The following PLCH2 variants were observed in gnomAD, a reference collection of about 807,000 sequenced individuals.
PLCH2 encodes phospholipase C eta 2.
PLCH2 carries 98 observed loss-of-function variants against 134.7 expected under a neutral mutation model. That is an observed-to-expected ratio of 0.73 (90% confidence interval 0.62 to 0.86). The LOEUF (loss-of-function observed/expected upper bound fraction) is 0.86, where lower values mean the gene tolerates loss of function less well. Among genes scored for constraint, PLCH2 ranks in the 40% least tolerant of loss-of-function variants. The pLI is 0.00. For synonymous variants in PLCH2, 974 were observed against 827.5 expected (o/e 1.18, Z -3.04); for missense variants, 1,994 against 1,986.6 (o/e 1.00, Z -0.07).
At chr1:2,451,400 G>T (rs1640219162) in intron 2 of PLCH2, among the ~76,000 whole-genome samples, 2 of 152,238 alleles carry the variant, frequency 1.3e-5, no homozygotes, top group African/African-American at 4.8e-5. Flanking sequence ...GCTGATGGAG[G>T]TGCGTTTCTG....
chr1:2,488,389 GT>G (rs773698731), intron 8 of PLCH2, among the ~76,000 whole-genome samples: 1 of 152,192 alleles, frequency 6.6e-6, no homozygotes, highest in Non-Finnish European at 1.5e-5. Context: ...TCAGGACAGA[GT>G]TGCACCTATG....
intron 2 of PLCH2, among the ~76,000 whole-genome samples, chr1:2,460,900 C>T (rs1952062): frequency 0.15 from 22,662 of 152,278 alleles, 1,838 homozygotes; most frequent in East Asian, 0.28. Context: ...GCAACAGCTG[C>T]GGGTTCGCCT....
rs570931318 is a variant in PLCH2 at position 2,499,431 on chromosome 1, C to T, written c.2581+201C>T. 5.3e-3 allele frequency among the ~76,000 whole-genome samples: 802 copies of T among 152,240 alleles called. 2 individuals carry two copies. Among genetic ancestry groups the T allele is most frequent in the Non-Finnish European group, 7.9e-3 (539 of 67,994 alleles). On this transcript the variant is annotated intron_variant, in intron 19 of 21. Coordinates refer to ENST00000378486, the MANE Select transcript of PLCH2 (RefSeq NM_014638.4). ...ATGGCCTGTGGGGGAGGGGCCACCC[C>T]CAGGAAGAGGTCCCTGCAGGCTGGT...
rs1242747806 is a variant in PLCH2, at chr1:2,448,083, C to A, written c.115+17454C>A. 6.6e-6 allele frequency among the ~76,000 whole-genome samples: 1 copy of A among 152,190 alleles called. No homozygotes were observed. Among genetic ancestry groups the A allele is most frequent in the African/African-American group, 2.4e-5 (1 of 41,436 alleles). On this transcript the variant is annotated intron_variant, in intron 2 of 3. Coordinates refer to the PLCH2 transcript ENST00000609981. This position sits in a 1 kb window ranked among gnomAD's most constrained non-coding sequence, Gnocchi z 4.0. Reference sequence around the variant, plus strand: ...TGGTCGTGGCCTCCAGGCAGCCAAACCCAGGCAAAGGTGACCCTTGTCAGG... The same window carrying A: ...TGGTCGTGGCCTCCAGGCAGCCAAAACCAGGCAAAGGTGACCCTTGTCAGG...
At chr1:2,434,369 C>A (rs1265749030) in intron 2 of PLCH2, among the ~76,000 whole-genome samples, 3 of 152,106 alleles carry the variant, frequency 2.0e-5, no homozygotes, top group African/African-American at 7.2e-5. Context: ...TGCCGTGGGG[C>A]CCCTTCTCTC....
intron 2 of PLCH2, among the ~76,000 whole-genome samples, chr1:2,447,660 C>T (rs1158275394): frequency 6.6e-6 from 1 of 152,208 alleles, no homozygotes; most frequent in Non-Finnish European, 1.5e-5. Flanking sequence ...GAAATGTCCC[C>T]AGCTTGATCT....
Position 2,504,452 on chromosome 1 carries a change from G to A in PLCH2, c.3490G>A (p.Gly1164Ser). The stretch of plus-strand genomic sequence containing the variant: ...CATTGACCTCTCCCTGCCCAGCCTG[G>A]GCCTGGGCCGCAGCCGTGAGAACCT... ...TVIDLSLPSL[G>S]LGRSRENLAG... Residue 1164 changes from glycine (G) to serine (S), a missense_variant, in exon 22 of 22, where the codon GGC (glycine) becomes AGC (serine). Coordinates refer to ENST00000378486, the MANE Select transcript of PLCH2 (RefSeq NM_014638.4). 1 of 1,612,364 alleles carries A rather than the reference G, an allele frequency of 6.2e-7. No individual in the cohort carries two copies. The highest frequency in any genetic ancestry group is 8.5e-7 in the Non-Finnish European group (1 of 1,179,614).
chr1:2,451,554 G>A (rs945853513), intron 2 of PLCH2, among the ~76,000 whole-genome samples: 83 of 152,266 alleles, frequency 5.5e-4, no homozygotes, highest in Non-Finnish European at 1.2e-4. Flanking sequence ...CCAGAGAGCC[G>A]CGACCCACCA....
chr1:2,472,786 A>C (rs1206311445), upstream of PLCH2, among the ~76,000 whole-genome samples: 1 of 152,002 alleles, frequency 6.6e-6, no homozygotes, highest in African/African-American at 2.4e-5. Flanking sequence ...GGCCTGGAAG[A>C]GGTGGGGCCC....
chr1:2,466,338 G>A (rs546655179), upstream of PLCH2, among the ~76,000 whole-genome samples: 14 of 152,336 alleles, frequency 9.2e-5, no homozygotes, highest in African/African-American at 2.9e-4. Context: ...CCCAGGGCAG[G>A]GGCTGGTCCA....
At chr1:2,477,702 G>A (rs138378287) in intron 1 of PLCH2, among the ~76,000 whole-genome samples, 2 of 152,194 alleles carry the variant, frequency 1.3e-5, no homozygotes, top group Non-Finnish European at 2.9e-5. Flanking sequence ...GAGAAGGAGC[G>A]AGGCAGGCAG....
rs1643014113 is a variant in PLCH2, at chr1:2,498,424, A to G, written c.2225-99A>G. 1 of 1,375,788 alleles carries G rather than the reference A, an allele frequency of 7.3e-7. No individual in the cohort carries two copies. The highest frequency in any genetic ancestry group is 1.4e-5 in the African/African-American group (1 of 69,376). 85.2% of individuals were successfully genotyped at this position (1,375,788 alleles called of 1,614,324 possible). ...CCCCTGGCACCGGCTCCAGTCTCCT[A>G]TGTGGGGGCTGGGGAGGGGGCTGTT... is the stretch of plus-strand genomic sequence containing the variant. On this transcript the variant is annotated intron_variant, in intron 16 of 21. Coordinates refer to ENST00000378486, the MANE Select transcript of PLCH2 (RefSeq NM_014638.4). The surrounding 1 kb of genome is among the most constrained non-coding windows in gnomAD (Gnocchi z 5.4).
chr1:2,431,525 C>T (rs941443644), intron 2 of PLCH2, among the ~76,000 whole-genome samples: 59 of 152,236 alleles, frequency 3.9e-4, no homozygotes, highest in African/African-American at 1.1e-3. Flanking sequence ...GAATGGACAC[C>T]GGGGAAAGGG....
chr1:2,419,087 G>C, the PLCH2 span, among the ~76,000 whole-genome samples: 26 of 152,294 alleles, frequency 1.7e-4, no homozygotes, highest in African/African-American at 6.3e-4. Flanking sequence ...CCAAGGATGT[G>C]GCGTCTGAGG....
intron 4 of PLCH2, among the ~76,000 whole-genome samples, chr1:2,483,763 T>TGGGGGGCGTTGACCCCCGTG (rs1558004576): frequency 5.5e-4 from 19 of 34,526 alleles, no homozygotes; most frequent in African/African-American, 1.7e-3. Flanking sequence ...TGACCCCCGT[T>TGGGGGGCGTTGACCCCCGTG]TGGGGGGGCG....
chr1:2,505,455 G>C lies in PLCH2; in HGVS notation c.*242G>C. On this transcript the variant is annotated 3_prime_UTR_variant, in exon 22 of 22. Coordinates refer to ENST00000378486, the MANE Select transcript of PLCH2 (RefSeq NM_014638.4). ...CCAGGCAGTTTTCCCGGCGTTTTAG[G>C]ATCTGTACATAGAGAAATATTTAAA... is the stretch of plus-strand genomic sequence containing the variant. The C allele has an allele frequency of 3.5e-6, 2 of 569,278 alleles. No homozygotes were observed. Among genetic ancestry groups the C allele is most frequent in the Non-Finnish European group, 6.2e-6 (2 of 323,510 alleles). 35.3% of individuals were successfully genotyped at this position (569,278 alleles called of 1,614,324 possible).
chr1:2,486,633 C>T (rs1642300914), intron 5 of PLCH2, among the ~76,000 whole-genome samples: 1 of 152,254 alleles, frequency 6.6e-6, no homozygotes, highest in South Asian at 2.1e-4. Flanking sequence ...GTGCCAGGCC[C>T]ACTCTGGGCC....
In PLCH2 at chr1:2,504,536, C is replaced by G; in HGVS notation, c.3574C>G (p.Pro1192Ala). The change falls in exon 22 of 22, where the codon CCA becomes GCA. Residue 1192 changes from proline (P) to alanine (A), a missense_variant. Around this residue, in one of 2 missense-constraint regions of PLCH2, gnomAD observed 900 missense variants for 752.3 expected, o/e 1.20. Coordinates refer to ENST00000378486, the MANE Select transcript of PLCH2 (RefSeq NM_014638.4). ...PRPHSASAAR[P>A]DLPPVTKSKS... is the part of the protein sequence containing the mutation. ...GCCCCACTCGGCTTCGGCTGCCCGC[C>G]CAGACCTGCCACCTGTGACCAAGAG... 6.2e-7 allele frequency: 1 copy of G among 1,612,616 alleles called. No individual in the cohort carries two copies. Among genetic ancestry groups the G allele is most frequent in the Non-Finnish European group, 8.5e-7 (1 of 1,179,794 alleles).
intron 2 of PLCH2, among the ~76,000 whole-genome samples, chr1:2,446,979 AG>A (rs1329367565): frequency 6.6e-6 from 1 of 152,096 alleles, no homozygotes; most frequent in African/African-American, 2.4e-5. Context: ...GTGGAGGTGG[AG>A]GTGGCAGAGG....
Sources: gnomAD v4.1 joint callset for allele counts (sites outside exome capture counted in the v4.1 genomes callset) on GRCh38, gnomAD v4.1.1 for gene constraint, gnomAD v4.1.1 regional missense constraint, Gnocchi (gnomAD v3.1) non-coding constraint, MANE v1.5 for transcripts, NCBI Gene and HGNC (gene_info 2026-07-23, HGNC 2026-07-21) for gene names.